The following C8G variants were observed in gnomAD, a reference collection of about 807,000 sequenced individuals.
The protein encoded by C8G is complement C8 gamma chain, also known as complement component C8 gamma chain.
C8G carries 38 observed loss-of-function variants against 29.1 expected under a neutral mutation model. The observed-to-expected ratio is 1.31, with a 90% confidence interval of 1.01 to 1.71. The LOEUF is 1.71. Ranked by LOEUF, C8G falls within the 40% of genes most tolerant of loss-of-function variation. The pLI, the probability that C8G is intolerant of heterozygous loss-of-function variation, is 0.00. For missense variants in C8G, 300 were observed against 267.4 expected (o/e 1.12, Z -0.85); for synonymous variants, 158 against 113.2 (o/e 1.40, Z -2.51).
intron 3 of C8G, 26 bp downstream of exon 3, chr9:136,946,025 G>T: frequency 1.3e-6 from 2 of 1,595,414 alleles, no homozygotes; most frequent in South Asian, 2.2e-5. Context: ...CAGGGCATGT[G>T]GGTGGGGGAT....
At position 136,946,475 on chromosome 9, in the gene C8G, C is replaced by G; in HGVS notation, c.465C>G (p.Leu155=). ...CTGTCTGCCCTGCAGCCCGCTCGCT[C>G]CCTGTGAGCGACTCGGTCCTGAGTG... The part of the protein sequence containing the change: ...QLSVKLYARS[L]PVSDSVLSGF... Residue 155 remains leucine, a synonymous_variant, in exon 5 of 7, where the codon CTC becomes CTG. Coordinates refer to ENST00000371634, the MANE Select transcript of C8G (RefSeq NM_000606.3). The G allele has an allele frequency of 1.9e-6, 3 of 1,608,230 alleles. No homozygotes were observed. Among genetic ancestry groups the G allele is most frequent in the Non-Finnish European group, 2.5e-6 (3 of 1,177,220 alleles).
At position 136,945,300 on chromosome 9, in the gene C8G, TGCCACCCTGCTGCC is replaced by T. The variant is rs745617504; in HGVS notation, c.-14_-1del. On this transcript the variant is annotated 5_prime_UTR_variant, in exon 1 of 7. Transcript: ENST00000371634. ...TGCTACCCTTGGCCTCCCACAGTCC[TGCCACCCTGCTGCC>T]GCCACCATGCTGCCCCCTGGGACTG... 2.7e-5 allele frequency: 43 copies of T among 1,586,622 alleles called. No individual in the cohort carries two copies. The highest frequency in any genetic ancestry group is 5.6e-5 in the South Asian group (5 of 88,528).
Position 136,945,356 on chromosome 9 carries a change from GCTC to G in C8G, c.39_41del (p.Leu14del), listed in dbSNP as rs1850995745. 4.3e-6 allele frequency: 7 copies of G among 1,612,982 alleles called. No homozygotes were observed. In the African/African-American group the frequency reaches 5.3e-5, roughly 12 times the overall value. ...CTGGGACTGCGACCCTCTTGACTCT[GCTC>G]CTGGCAGCTGGCTCGCTGGGCCAGA... On this transcript the variant is annotated inframe_deletion, in exon 1 of 7. Transcript: ENST00000371634.
rs41309980 is a variant in C8G at position 136,946,760 on chromosome 9, T to C, written c.596-8T>C. On this transcript the variant is annotated splice_polypyrimidine_tract_variant and splice_region_variant and intron_variant, in intron 6 of 6. Transcript: ENST00000371634. ...ACTGCCACCGGCTGAGTCTCGTCTCTGCTGCAGAAGTGAGGAGGTGAGGCC... is the reference window on the plus strand; with the variant it reads ...ACTGCCACCGGCTGAGTCTCGTCTCCGCTGCAGAAGTGAGGAGGTGAGGCC... 224,202 of 1,602,310 alleles carry C rather than the reference T, an allele frequency of 0.14. 16,828 individuals are homozygous for C. Among genetic ancestry groups the C allele is most frequent in the African/African-American group, 0.19 (14,266 of 74,890 alleles).
chr9:136,946,098 A>C lies in C8G; in HGVS notation c.360A>C (p.Arg120=), dbSNP rs1158935139. Residue 120 remains arginine, a synonymous_variant, in exon 4 of 7, where the codon CGA becomes CGC. Transcript: ENST00000371634. ...GCTCTGCCCCAGCCCGAGACGCCCGAGGGGCTGTGCACGTGGTTGTCGCTG... is the reference window on the plus strand; with the variant it reads ...GCTCTGCCCCAGCCCGAGACGCCCGCGGGGCTGTGCACGTGGTTGTCGCTG... ...GRFLLQARDA[R]GAVHVVVAET... 3 of 1,602,450 alleles carry C rather than the reference A, an allele frequency of 1.9e-6. No homozygotes were observed. The highest frequency in any genetic ancestry group is 2.2e-5 in the East Asian group (1 of 44,686).
Position 136,945,467 on chromosome 9 carries a change from TG to T in C8G, c.138+17del, listed in dbSNP as rs374027600. ...ATTTTGATGCTCAGCAGGTAGAAGT[TG>T]GGGGGGGTAGAGGGAGGCAGGTAGA... On this transcript the variant is annotated intron_variant, in intron 1 of 6. Coordinates refer to ENST00000371634, the MANE Select transcript of C8G (RefSeq NM_000606.3). 416 of 1,541,988 alleles carry T rather than the reference TG, an allele frequency of 2.7e-4. No homozygotes were observed. The African/African-American group carries it at 3.0e-3, about 11-fold the overall frequency.
chr9:136,945,278 T>C lies in C8G; in HGVS notation c.-43T>C, dbSNP rs779653306. ...ACTCTGTCCTGGGACTTGGTGGTGCTACCCTTGGCCTCCCACAGTCCTGCC... is the reference window on the plus strand; with the variant it reads ...ACTCTGTCCTGGGACTTGGTGGTGCCACCCTTGGCCTCCCACAGTCCTGCC... On this transcript the variant is annotated 5_prime_UTR_variant, in exon 1 of 7. Coordinates refer to ENST00000371634, the MANE Select transcript of C8G (RefSeq NM_000606.3). The C allele has an allele frequency of 3.8e-5, 59 of 1,554,838 alleles. 1 individual carries two copies. In the Admixed American group the frequency reaches 1.0e-3, roughly 26 times the overall value.
At position 136,945,689 on chromosome 9, in the gene C8G, A is replaced by T. The variant is rs760191413; in HGVS notation, c.194A>T (p.Glu65Val). 31 of 1,604,180 alleles carry T rather than the reference A, an allele frequency of 1.9e-5. No individual in the cohort carries two copies. Among genetic ancestry groups the T allele is most frequent in the Non-Finnish European group, 2.6e-5 (31 of 1,177,694 alleles). ...AVGSACRFLQ[E>V]QGHRAEATTL... ...GGCTCCGCTTGCCGTTTCCTGCAGG[A>T]GCAGGGCCACCGGGCCGAGGCCACC... The change falls in exon 2 of 7, where the codon GAG (glutamate) becomes GTG (valine). Residue 65 changes from glutamate (E) to valine (V), a missense_variant. Coordinates refer to ENST00000371634, the MANE Select transcript of C8G (RefSeq NM_000606.3).
At position 136,945,764 on chromosome 9, in the gene C8G, G is replaced by A. The variant is rs145738215; in HGVS notation, c.269G>A (p.Arg90Gln). ...QGTAMAVSTFRKLDGICWQVR... is the reference protein window; with the variant it reads ...QGTAMAVSTFQKLDGICWQVR... ...ACAGCCATGGCTGTCAGTACCTTCC[G>A]AAAGCTGTGAGTCCCAGAGCAGCCC... Residue 90 changes from arginine (R) to glutamine (Q), a missense_variant, in exon 2 of 7, where the codon CGA (arginine) becomes CAA (glutamine). Physicochemically the swap from Arg to Gln is conservative, Grantham distance 43. Transcript: ENST00000371634. 134 of 1,553,822 alleles carry A rather than the reference G, an allele frequency of 8.6e-5. No homozygotes were observed. The African/African-American group carries it at 1.6e-3, about 19-fold the overall frequency.
chr9:136,946,545 ATCT>A lies in C8G; in HGVS notation c.539_541del (p.Phe180del), dbSNP rs766169511. The A allele has an allele frequency of 3.3e-5, 53 of 1,612,992 alleles. 2 individuals are homozygous for A. In the South Asian group the frequency reaches 4.8e-4, roughly 15 times the overall value. On this transcript the variant is annotated inframe_deletion, in exon 5 of 7. Coordinates refer to ENST00000371634, the MANE Select transcript of C8G (RefSeq NM_000606.3). ...GGAGGCCCACCTGACTGAGGACCAG[ATCT>A]TCTACTTCCCCAAGTACGGTGAGTG...
chr9:136,946,828 G>C lies in C8G; in HGVS notation c.*47G>C. 1 of 1,541,098 alleles carries C rather than the reference G, an allele frequency of 6.5e-7. No individual in the cohort carries two copies. The highest frequency in any genetic ancestry group is 8.7e-7 in the Non-Finnish European group (1 of 1,148,430). ...CTGAGAAGTCAGTGCCCCGAGAGAC[G>C]ACCCCACCAGTGGGGTGCCCGCTGC... On this transcript the variant is annotated 3_prime_UTR_variant, in exon 7 of 7. Coordinates refer to ENST00000371634, the MANE Select transcript of C8G (RefSeq NM_000606.3).
intron 4 of C8G, 105 bp from the exon 5 acceptor site, chr9:136,946,360 G>T: frequency 6.9e-7 from 1 of 1,448,084 alleles, no homozygotes; most frequent in Non-Finnish European, 9.2e-7. Context: ...CCTGGTGTGG[G>T]AGCAGGGAGA....
rs145014779 is a variant in C8G at position 136,946,786 on chromosome 9, G to A, written c.*5G>A. On this transcript the variant is annotated 3_prime_UTR_variant, in exon 7 of 7. Coordinates refer to ENST00000371634, the MANE Select transcript of C8G (RefSeq NM_000606.3). ...GCTGCAGAAGTGAGGAGGTGAGGCCGGCACACAGCTCCAGTGCTGAGAAGT... is the reference window on the plus strand; with the variant it reads ...GCTGCAGAAGTGAGGAGGTGAGGCCAGCACACAGCTCCAGTGCTGAGAAGT... 537 of 1,582,274 alleles carry A rather than the reference G, an allele frequency of 3.4e-4. 2 individuals carry two copies. Among genetic ancestry groups the A allele is most frequent in the Middle Eastern group, 2.5e-3 (15 of 6,022 alleles).
chr9:136,946,309 C>T (rs1851037521), intron 4 of C8G, 117 bp downstream of exon 4: 6 of 1,374,676 alleles, frequency 4.4e-6, no homozygotes, highest in East Asian at 2.4e-5. Flanking sequence ...CCATCCTGAT[C>T]CTCCTGCTAA....
At chr9:136,946,360 G>A (rs1250593294) in intron 4 of C8G, 105 bp from the exon 5 acceptor site, 4 of 1,447,966 alleles carry the variant, frequency 2.8e-6, no homozygotes, top group South Asian at 1.4e-5. Context: ...CCTGGTGTGG[G>A]AGCAGGGAGA....
rs1365161586 is a variant in C8G at position 136,946,644 on chromosome 9, C to T, written c.557-7C>T. 7 of 1,613,070 alleles carry T rather than the reference C, an allele frequency of 4.3e-6. No individual in the cohort carries two copies. The highest frequency in any genetic ancestry group is 3.3e-4 in the Middle Eastern group (2 of 6,058). ...TGTCCAGCCTGACCCCTGCCTTGGG[C>T]CCCCAGGCTTCTGCGAGGCTGCAGA... On this transcript the variant is annotated splice_region_variant and splice_polypyrimidine_tract_variant and intron_variant, in intron 5 of 6. Transcript: ENST00000371634.
At chr9:136,946,347 A>T (rs1324863197) in intron 4 of C8G, 118 bp from the exon 5 acceptor site, 3 of 1,420,100 alleles carry the variant, frequency 2.1e-6, no homozygotes, top group Non-Finnish European at 2.8e-6. Context: ...AGTGACAGAC[A>T]GGCCTGGTGT....
Position 136,946,211 on chromosome 9 carries a change from C to G in C8G, c.454+19C>G. Reference sequence around the variant, plus strand: ...CTCTACGGTATGTGGGGGCCAGCCTCTGTGACCAGGCAGGCGCTCAAGCTC... The same window carrying G: ...CTCTACGGTATGTGGGGGCCAGCCTGTGTGACCAGGCAGGCGCTCAAGCTC... On this transcript the variant is annotated intron_variant, in intron 4 of 6. Coordinates refer to ENST00000371634, the MANE Select transcript of C8G (RefSeq NM_000606.3). The G allele has an allele frequency of 6.5e-7, 1 of 1,537,742 alleles. No individual in the cohort carries two copies. Among genetic ancestry groups the G allele is most frequent in the African/African-American group, 1.4e-5 (1 of 72,328 alleles).
At chr9:136,945,805 A>T (rs576634428) in intron 2 of C8G, 35 bp downstream of exon 2, 6 of 1,538,306 alleles carry the variant, frequency 3.9e-6, no homozygotes, top group African/African-American at 2.8e-5. Flanking sequence ...CCTAACCCCA[A>T]CCCTCCTCTC....
Sources: gnomAD v4.1 joint callset for allele counts on GRCh38, gnomAD v4.1.1 for gene constraint, MANE v1.5 for transcripts, NCBI Gene and HGNC (gene_info 2026-07-23, HGNC 2026-07-21) for gene names.